The following PATJ variants were observed in gnomAD, a reference collection of about 807,000 sequenced individuals.
PATJ encodes the protein PATJ crumbs cell polarity complex component, also known as inaD-like protein.
Under a neutral mutation model 224.9 loss-of-function variants are expected in PATJ, and 190 were observed. The ratio of observed to expected loss-of-function variants is 0.84; its 90% CI spans 0.75 to 0.95. The LOEUF is 0.95. PATJ is among the 40% of genes least tolerant of loss of function. The probability of loss-of-function intolerance (pLI) is 0.00; values close to 1 mark genes in which losing one functional copy is unlikely to be tolerated. For synonymous variants in PATJ, 769 were observed against 820.3 expected, an observed-to-expected ratio of 0.94 and a Z score of 1.07; for missense variants, 2,121 against 2,270.3, an observed-to-expected ratio of 0.93 and a Z score of 1.34.
At chr1:62,056,883 G>A (rs1445748452) in intron 31 of PATJ, among the ~76,000 whole-genome samples, 5 of 152,192 alleles carry the variant, frequency 3.3e-5, no homozygotes, top group East Asian at 3.9e-4. Context: ...GTGCAGTGGC[G>A]CTTTCTCAGC....
At chr1:61,885,095 T>C (rs898322256) in intron 22 of PATJ, among the ~76,000 whole-genome samples, 4 of 152,192 alleles carry the variant, frequency 2.6e-5, no homozygotes, top group African/African-American at 7.2e-5. Context: ...AGGGTCAAGA[T>C]TGGAGTCCTG....
At chr1:62,016,086 C>T (rs1026057149) in intron 28 of PATJ, among the ~76,000 whole-genome samples, 8 of 152,072 alleles carry the variant, frequency 5.3e-5, no homozygotes, top group East Asian at 1.9e-4. Context: ...CCACTGTGCC[C>T]GGTGAGATTG....
At chr1:61,823,170 C>A in intron 15 of PATJ, 91 bp downstream of exon 15, 2 of 1,269,618 alleles carry the variant, frequency 1.6e-6, no homozygotes, top group Non-Finnish European at 2.2e-6. Flanking sequence ...GTTATAGTGT[C>A]ACCAATGCCA....
chr1:61,887,808 G>C (rs1023550693), intron 22 of PATJ, among the ~76,000 whole-genome samples: 12 of 152,184 alleles, frequency 7.9e-5, no homozygotes, highest in African/African-American at 2.7e-4. Context: ...GATAAGAAGT[G>C]CACAAAGGAG....
intron 27 of PATJ, among the ~76,000 whole-genome samples, chr1:61,985,436 T>A (rs1199707492): frequency 3.3e-5 from 5 of 152,168 alleles, no homozygotes; most frequent in African/African-American, 1.2e-4. Context: ...GGGTCTTTTT[T>A]AAATTGTGGT....
At chr1:61,771,327 C>T (rs925560511) in intron 5 of PATJ, 104 bp from the exon 6 acceptor site, 3 of 561,036 alleles carry the variant, frequency 5.3e-6, no homozygotes, top group Non-Finnish European at 9.2e-6. Context: ...GATAAATGTA[C>T]TAAGTAAAGT....
chr1:61,763,947 C>T (rs1389796121), intron 3 of PATJ, among the ~76,000 whole-genome samples: 1 of 152,100 alleles, frequency 6.6e-6, no homozygotes, highest in African/African-American at 2.4e-5. Flanking sequence ...CATGAGCCAC[C>T]TTGCCCAGGC....
chr1:61,752,608 G>C (rs1645401024), intron 1 of PATJ, among the ~76,000 whole-genome samples: 1 of 152,134 alleles, frequency 6.6e-6, no homozygotes, highest in Non-Finnish European at 1.5e-5. Context: ...TTACAGGGGT[G>C]AGCCACCGCG....
chr1:62,024,356 C>T (rs6695442), intron 29 of PATJ, among the ~76,000 whole-genome samples: 21,553 of 151,946 alleles, frequency 0.14, 1,658 homozygotes, highest in Middle Eastern at 0.24. Flanking sequence ...GCAGGGTTTT[C>T]TTTAATTACC....
chr1:62,127,274 G>A (rs560073494), intron 39 of PATJ, among the ~76,000 whole-genome samples: 6 of 152,190 alleles, frequency 3.9e-5, no homozygotes, highest in Non-Finnish European at 5.9e-5. Flanking sequence ...AGATGCACTT[G>A]TAGAAGTATT....
At chr1:62,140,428 G>A (rs1039060451) in intron 41 of PATJ, among the ~76,000 whole-genome samples, 4 of 152,186 alleles carry the variant, frequency 2.6e-5, no homozygotes, top group Non-Finnish European at 4.4e-5. Context: ...CGAGGCAGGC[G>A]GATTACTTGA....
At chr1:61,853,118 T>C (rs892811454) in intron 17 of PATJ, among the ~76,000 whole-genome samples, 3 of 152,170 alleles carry the variant, frequency 2.0e-5, no homozygotes, top group Admixed American at 1.3e-4. Flanking sequence ...TACATTTTAG[T>C]AAGAAAGCAT....
chr1:62,123,728 T>C (rs9659622), intron 39 of PATJ, among the ~76,000 whole-genome samples: 10,549 of 129,726 alleles, frequency 0.081, 1,543 homozygotes, highest in East Asian at 0.61. Flanking sequence ...CCACCTGCCT[T>C]GGCCTCCCAA....
rs139051629 is a variant in PATJ at position 61,859,965 on chromosome 1, G to A, written c.2323-1586G>A. ...AACATTTACTCAATCCACAGTGCAA[G>A]TGGGGACAGAGAATGTGAATAAGCA... On this transcript the variant is annotated intron_variant, in intron 18 of 43. Coordinates refer to ENST00000642238, the MANE Select transcript of PATJ (RefSeq NM_001350145.3). Among the ~76,000 whole-genome samples the A allele has an allele frequency of 7.2e-4, 109 of 152,262 alleles. 1 individual carries two copies. The highest frequency in any genetic ancestry group is 2.5e-3 in the African/African-American group (104 of 41,552).
intron 22 of PATJ, 33 bp from the exon 23 acceptor site, chr1:61,899,550 A>C: frequency 6.7e-7 from 1 of 1,499,926 alleles, no homozygotes; most frequent in Non-Finnish European, 9.2e-7. Context: ...ATGCCCTAAA[A>C]TTGTGTGTAT....
At chr1:61,927,617 G>T (rs937580937) in intron 26 of PATJ, 113 bp from the exon 27 acceptor site, 22 of 636,108 alleles carry the variant, frequency 3.5e-5, no homozygotes, top group Non-Finnish European at 5.2e-5. Context: ...TGATATGAAT[G>T]AAGTTGGGTA....
At chr1:61,962,868 T>A (rs1681505999) in intron 27 of PATJ, among the ~76,000 whole-genome samples, 1 of 152,084 alleles carries the variant, frequency 6.6e-6, no homozygotes, top group African/African-American at 2.4e-5. Flanking sequence ...TAGCTGCAGC[T>A]ATCAAGGCGG....
chr1:61,786,362 A>G (rs944826280), intron 7 of PATJ, among the ~76,000 whole-genome samples: 2 of 151,782 alleles, frequency 1.3e-5, no homozygotes, highest in Admixed American at 1.3e-4. Flanking sequence ...AATGACCCGC[A>G]AGGTGTTTTG....
intron 42 of PATJ, among the ~76,000 whole-genome samples, chr1:62,150,588 G>C (rs1167799684): frequency 1.4e-5 from 2 of 147,600 alleles, no homozygotes; most frequent in African/African-American, 5.0e-5. Flanking sequence ...GAGGCAGGAG[G>C]ATCACTTGAA....
Sources: allele counts gnomAD v4.1 joint callset (sites outside exome capture counted in the v4.1 genomes callset), GRCh38; gene constraint gnomAD v4.1.1; transcripts MANE v1.5; gene names NCBI Gene and HGNC (gene_info 2026-07-23, HGNC 2026-07-21).